NXPH1: variants seen among roughly 807,000 people sequenced by gnomAD.
NXPH1 encodes the protein neurexophilin-1.
NXPH1 carries 5 observed loss-of-function variants against 23.7 expected under a neutral mutation model. The ratio of observed to expected loss-of-function variants is 0.21; its 90% CI spans 0.11 to 0.44. The LOEUF (loss-of-function observed/expected upper bound fraction) is 0.44. NXPH1 is among the 20% of genes least tolerant of loss of function. The pLI, the probability that NXPH1 is intolerant of heterozygous loss-of-function variation, is 0.99. For missense variants in NXPH1, 324 were observed against 321.6 expected (o/e 1.01, Z -0.06); for synonymous variants, 144 against 122.2 (o/e 1.18, Z -1.18).
At chr7:8,651,231 T>C (rs1201714583) in intron 2 of NXPH1, among the ~76,000 whole-genome samples, 1 of 139,894 alleles carries the variant, frequency 7.1e-6, no homozygotes, top group Non-Finnish European at 1.5e-5. Flanking sequence ...GTTTGGTTTT[T>C]TGTTCTTGCG....
chr7:8,608,239 A>G (rs1389988640), intron 2 of NXPH1, among the ~76,000 whole-genome samples: 1 of 152,194 alleles, frequency 6.6e-6, no homozygotes, highest in East Asian at 1.9e-4. Context: ...TTAGCTAGTT[A>G]GGAGGAAGTG....
chr7:8,509,409 C>G (rs1407258272), intron 2 of NXPH1, among the ~76,000 whole-genome samples: 1 of 152,080 alleles, frequency 6.6e-6, no homozygotes, highest in African/African-American at 2.4e-5. Context: ...TTAACTTGTG[C>G]CCTGTCATAG....
At chr7:8,737,189 A>T (rs1173807947) in intron 2 of NXPH1, among the ~76,000 whole-genome samples, 1 of 151,942 alleles carries the variant, frequency 6.6e-6, no homozygotes, top group Non-Finnish European at 1.5e-5. Context: ...CTAGCTGGTT[A>T]TTTTGCCTGT....
chr7:8,663,657 TGA>T (rs1820716597), intron 2 of NXPH1, among the ~76,000 whole-genome samples: 1 of 152,082 alleles, frequency 6.6e-6, no homozygotes, highest in Non-Finnish European at 1.5e-5. Context: ...TCTAATAGTC[TGA>T]TTTATGAAAA....
intron 2 of NXPH1, among the ~76,000 whole-genome samples, chr7:8,464,802 G>T (rs768952226): frequency 9.2e-5 from 14 of 152,042 alleles, no homozygotes; most frequent in Non-Finnish European, 1.9e-4. Context: ...ATCTGGAAAT[G>T]TTTTACTCTC....
chr7:8,596,078 G>T (rs918169366), intron 2 of NXPH1, among the ~76,000 whole-genome samples: 3 of 151,968 alleles, frequency 2.0e-5, no homozygotes, highest in Non-Finnish European at 4.4e-5. Flanking sequence ...ATTCACTTAG[G>T]CATTATATAT....
intron 2 of NXPH1, among the ~76,000 whole-genome samples, chr7:8,481,201 T>G (rs1307455259): frequency 1.3e-5 from 2 of 152,216 alleles, no homozygotes; most frequent in Non-Finnish European, 2.9e-5. Flanking sequence ...CAACTCCTTT[T>G]TCTCCTTTGC....
chr7:8,608,016 G>A (rs1397314234), intron 2 of NXPH1, among the ~76,000 whole-genome samples: 1 of 152,218 alleles, frequency 6.6e-6, no homozygotes, highest in Non-Finnish European at 1.5e-5. Flanking sequence ...GTGACCACCA[G>A]AAACTGGGAG....
chr7:8,654,438 C>A (rs1469111579), intron 2 of NXPH1, among the ~76,000 whole-genome samples: 1 of 152,116 alleles, frequency 6.6e-6, no homozygotes, highest in African/African-American at 2.4e-5. Flanking sequence ...GAATTTTCAC[C>A]ACTAAAACCA....
At chr7:8,572,662 A>G (rs549453610) in intron 2 of NXPH1, among the ~76,000 whole-genome samples, 44 of 151,994 alleles carry the variant, frequency 2.9e-4, no homozygotes, top group African/African-American at 1.0e-3. Flanking sequence ...GAAAAATCAA[A>G]CTCTATTGCA....
intron 2 of NXPH1, among the ~76,000 whole-genome samples, chr7:8,694,306 C>A (rs1322485276): frequency 6.6e-6 from 1 of 152,156 alleles, no homozygotes; most frequent in Non-Finnish European, 1.5e-5. Flanking sequence ...TCCCTTGACA[C>A]CCATGTCAGG....
At chr7:8,587,752 T>C (rs1283657443) in intron 2 of NXPH1, among the ~76,000 whole-genome samples, 1 of 152,178 alleles carries the variant, frequency 6.6e-6, no homozygotes, top group Admixed American at 6.5e-5. Flanking sequence ...TTTCTGTTCC[T>C]GTGTTAATTT....
chr7:8,545,561 A>T (rs185110463), intron 2 of NXPH1, among the ~76,000 whole-genome samples: 1 of 151,480 alleles, frequency 6.6e-6, no homozygotes, highest in East Asian at 2.0e-4. Context: ...AAAACAAAAT[A>T]CTAATCTGCA....
chr7:8,671,589 C>T (rs139975554), intron 2 of NXPH1, among the ~76,000 whole-genome samples: 3 of 152,080 alleles, frequency 2.0e-5, no homozygotes, highest in African/African-American at 7.2e-5. Flanking sequence ...GCTCTTTCTA[C>T]ATGGGAGGAA....
intron 2 of NXPH1, among the ~76,000 whole-genome samples, chr7:8,453,433 G>A (rs377569761): frequency 2.6e-5 from 4 of 152,124 alleles, no homozygotes; most frequent in Admixed American, 6.5e-5. Flanking sequence ...TGCCAAACAC[G>A]GCATTTTTAT....
chr7:8,439,308 A>G (rs1333999776), intron 2 of NXPH1, among the ~76,000 whole-genome samples: 1 of 152,142 alleles, frequency 6.6e-6, no homozygotes, highest in Non-Finnish European at 1.5e-5. Flanking sequence ...AATCAGCCTC[A>G]TTGGATCAAG....
At chr7:8,685,189 A>G (rs1210390391) in intron 2 of NXPH1, among the ~76,000 whole-genome samples, 1 of 151,804 alleles carries the variant, frequency 6.6e-6, no homozygotes, top group East Asian at 1.9e-4. Context: ...GATAACTGAG[A>G]GTTATCCTTT....
intron 2 of NXPH1, among the ~76,000 whole-genome samples, chr7:8,547,725 C>G (rs548886790): frequency 6.6e-6 from 1 of 151,372 alleles, no homozygotes; most frequent in Non-Finnish European, 1.5e-5. Context: ...TTGTTTAGTC[C>G]CCACTTCTAA....
intron 2 of NXPH1, among the ~76,000 whole-genome samples, chr7:8,544,668 G>C (rs1818173307): frequency 6.6e-6 from 1 of 151,426 alleles, no homozygotes; most frequent in Non-Finnish European, 1.5e-5. Context: ...TTTTTATTAT[G>C]CTTCTTAAAA....
Sources: allele counts gnomAD v4.1 joint callset (sites outside exome capture counted in the v4.1 genomes callset), GRCh38; gene constraint gnomAD v4.1.1; transcripts MANE v1.5; gene names NCBI Gene and HGNC (gene_info 2026-07-23, HGNC 2026-07-21).